ITPRID1: variants seen among roughly 807,000 people sequenced by gnomAD.
ITPRID1 encodes ITPR interacting domain containing 1.
ITPRID1 carries 96 observed loss-of-function variants against 95.4 expected under a neutral mutation model. The ratio of observed to expected loss-of-function variants is 1.01; its 90% confidence interval spans 0.85 to 1.19. The LOEUF (loss-of-function observed/expected upper bound fraction) is 1.19. Among genes scored for constraint, ITPRID1 ranks in the 50% most tolerant of loss-of-function variants. ITPRID1 has a pLI of 0.00. For missense variants in ITPRID1, 1,339 were observed against 1,252.9 expected (o/e 1.07, Z -1.04); for synonymous variants, 510 against 453.6 (o/e 1.12, Z -1.58).
intron 1 of ITPRID1, among the ~76,000 whole-genome samples, chr7:31,542,117 A>G (rs566268538): frequency 3.7e-4 from 56 of 152,280 alleles, no homozygotes; most frequent in African/African-American, 2.4e-5. Context: ...TGTTTTTTCA[A>G]TAGTCTTAAA....
intron 1 of ITPRID1, among the ~76,000 whole-genome samples, chr7:31,517,055 T>C (rs1392915739): frequency 6.6e-6 from 1 of 152,184 alleles, no homozygotes; most frequent in Non-Finnish European, 1.5e-5. Context: ...ACCCAAGGAA[T>C]AAGCAGCAAC....
chr7:31,561,809 C>A (rs1370808404), intron 5 of ITPRID1, among the ~76,000 whole-genome samples: 1 of 152,138 alleles, frequency 6.6e-6, no homozygotes, highest in Non-Finnish European at 1.5e-5. Context: ...CCTCTGTGGG[C>A]AGATTAACTC....
intron 1 of ITPRID1, among the ~76,000 whole-genome samples, 161 bp from the exon 2 acceptor site, chr7:31,549,265 C>G (rs567236439): frequency 6.6e-6 from 1 of 152,238 alleles, no homozygotes; most frequent in African/African-American, 2.4e-5. Flanking sequence ...CTCATGGTCA[C>G]AGAAATACTC....
chr7:31,516,472 G>A (rs758327257), intron 1 of ITPRID1, among the ~76,000 whole-genome samples: 47 of 151,982 alleles, frequency 3.1e-4, no homozygotes, highest in Admixed American at 2.0e-3. Context: ...TTGATATCCC[G>A]CAAATCTCAG....
chr7:31,557,483 C>G (rs1281329456), intron 5 of ITPRID1, among the ~76,000 whole-genome samples: 7 of 152,156 alleles, frequency 4.6e-5, no homozygotes, highest in Non-Finnish European at 1.0e-4. Flanking sequence ...TGATGACTCT[C>G]TGGCTGTCAT....
At chr7:31,587,866 C>G (rs1414805543) in intron 10 of ITPRID1, among the ~76,000 whole-genome samples, 2 of 151,536 alleles carry the variant, frequency 1.3e-5, no homozygotes, top group African/African-American at 2.4e-5. Flanking sequence ...CTTTGACAAA[C>G]CTGAGAAAAA....
chr7:31,641,168 A>G (rs1409499190), intron 10 of ITPRID1, among the ~76,000 whole-genome samples: 1 of 152,218 alleles, frequency 6.6e-6, no homozygotes, highest in African/African-American at 2.4e-5. Flanking sequence ...GGTGAGGTCC[A>G]GCAGAGATCT....
At chr7:31,554,767 G>T (rs541951342) in intron 4 of ITPRID1, 91 bp from the exon 5 acceptor site, 1 of 1,148,444 alleles carries the variant, frequency 8.7e-7, no homozygotes, top group Admixed American at 2.1e-5. Context: ...ACCTAACTCT[G>T]CATTTGCTCT....
intron 10 of ITPRID1, among the ~76,000 whole-genome samples, chr7:31,599,439 A>C (rs1330524559): frequency 6.6e-6 from 1 of 152,218 alleles, no homozygotes; most frequent in African/African-American, 2.4e-5. Context: ...TTAACTCTGG[A>C]CATGAATGAA....
At chr7:31,647,720 G>A (rs1469632702) in intron 12 of ITPRID1, among the ~76,000 whole-genome samples, 1 of 148,328 alleles carries the variant, frequency 6.7e-6, no homozygotes, top group Non-Finnish European at 1.5e-5. Flanking sequence ...AGACGATGAC[G>A]ACAACGACGA....
chr7:31,517,888 G>C (rs1783099330), intron 1 of ITPRID1: 1 of 152,278 alleles, frequency 6.6e-6, no homozygotes, highest in Admixed American at 6.5e-5. Flanking sequence ...CAGAATAAGA[G>C]GTCTCCACTG....
rs28508333 is a variant in ITPRID1, at chr7:31,564,043, T to C, written c.257-5715T>C. Among the ~76,000 whole-genome samples the C allele has an allele frequency of 3.6e-3, 542 of 152,298 alleles. 5 individuals are homozygous for C. Among genetic ancestry groups the C allele is most frequent in the African/African-American group, 0.013 (529 of 41,556 alleles). On this transcript the variant is annotated intron_variant, in intron 5 of 14. Coordinates refer to ENST00000615280, the MANE Select transcript of ITPRID1 (RefSeq NM_001257967.3). Reference sequence around the variant, plus strand: ...CCCTGCGAAAATGTAATTTGATTAGTCTATTGGACGATATTCCAAAGAACC... The same window carrying C: ...CCCTGCGAAAATGTAATTTGATTAGCCTATTGGACGATATTCCAAAGAACC...
At chr7:31,633,183 C>A (rs1407449486) in intron 10 of ITPRID1, among the ~76,000 whole-genome samples, 1 of 151,672 alleles carries the variant, frequency 6.6e-6, no homozygotes, top group African/African-American at 2.4e-5. Flanking sequence ...CCGCGACCGG[C>A]CAGGTCTGGG....
intron 1 of ITPRID1, among the ~76,000 whole-genome samples, chr7:31,531,598 C>G (rs10276589): frequency 0.58 from 88,612 of 151,870 alleles, 26,912 homozygotes; most frequent in Middle Eastern, 0.71. Context: ...TGCGTGAAAC[C>G]AAAGAAATGT....
chr7:31,528,592 T>A (rs1465668989), intron 1 of ITPRID1, among the ~76,000 whole-genome samples: 1 of 152,038 alleles, frequency 6.6e-6, no homozygotes, highest in East Asian at 1.9e-4. Flanking sequence ...CAGGGAGAAG[T>A]CTTAAGAGAC....
intron 10 of ITPRID1, among the ~76,000 whole-genome samples, chr7:31,590,210 A>T (rs959248983): frequency 6.6e-6 from 1 of 152,166 alleles, no homozygotes; most frequent in Non-Finnish European, 1.5e-5. Context: ...CTGGGATCAC[A>T]GGCACATGCC....
In ITPRID1 at chr7:31,653,958, CCTA is replaced by C. The variant is rs1791157005; in HGVS notation, c.*1132_*1134del. Among the ~76,000 whole-genome samples the C allele has an allele frequency of 6.6e-6, 1 of 151,402 alleles. No individual in the cohort carries two copies. The highest frequency in any genetic ancestry group is 6.6e-5 in the Admixed American group (1 of 15,192). ...AGCCAGTGGGAGTACTGATGAAACACCTACTGTGTGCAGGCTACTATTCTAGTG... is the reference window on the plus strand; with the variant it reads ...AGCCAGTGGGAGTACTGATGAAACACCTGTGTGCAGGCTACTATTCTAGTG... On this transcript the variant is annotated 3_prime_UTR_variant, in exon 15 of 15. Transcript: ENST00000615280.
intron 10 of ITPRID1, among the ~76,000 whole-genome samples, chr7:31,620,503 C>T (rs1156796649): frequency 6.6e-6 from 1 of 151,434 alleles, no homozygotes; most frequent in East Asian, 1.9e-4. Flanking sequence ...CAAACAGGGT[C>T]TGGAGTGGAC....
At chr7:31,556,688 C>T (rs1009494179) in intron 5 of ITPRID1, among the ~76,000 whole-genome samples, 1 of 151,924 alleles carries the variant, frequency 6.6e-6, no homozygotes, top group Non-Finnish European at 1.5e-5. Context: ...ATGAAAAGGA[C>T]CCAAAGAGGA....
Sources: allele counts gnomAD v4.1 joint callset (sites outside exome capture counted in the v4.1 genomes callset), GRCh38; gene constraint gnomAD v4.1.1; transcripts MANE v1.5; gene names NCBI Gene and HGNC (gene_info 2026-07-23, HGNC 2026-07-21).